Variants in NT5C2 observed in about 807,000 individuals in gnomAD.
The protein encoded by NT5C2 is 5'-nucleotidase, cytosolic II, also known as cytosolic purine 5'-nucleotidase.
In NT5C2, 58 loss-of-function variants were observed where a neutral mutation model predicts 76.1. The ratio of observed to expected loss-of-function variants is 0.76; its 90% CI spans 0.62 to 0.95. NT5C2 has a LOEUF of 0.95. NT5C2 is among the 40% of genes least tolerant of loss of function. The probability of loss-of-function intolerance (pLI) is 0.00; values close to 1 mark genes in which losing one functional copy is unlikely to be tolerated. For missense variants in NT5C2, 478 were observed against 690.3 expected, an observed-to-expected ratio of 0.69 and a Z score of 3.45; for synonymous variants, 229 against 237.4, an observed-to-expected ratio of 0.96 and a Z score of 0.32.
intron 3 of NT5C2, among the ~76,000 whole-genome samples, chr10:103,158,995 T>C (rs1338480454): frequency 6.6e-6 from 1 of 151,970 alleles, no homozygotes. Flanking sequence ...AACACACAAA[T>C]TACCAACATT....
rs1255036696 is a variant in NT5C2 at position 103,124,943 on chromosome 10, T to C, written c.175+14463A>G. The C allele has an allele frequency of 2.0e-5, 3 of 149,978 alleles. No homozygotes were observed. In the Admixed American group the frequency reaches 2.0e-4, roughly 10 times the overall value. The allele number at this position is 149,978 out of a possible 1,614,324, so 9.3% of individuals were successfully genotyped here. A position where few individuals can be genotyped will look rare whatever the true frequency, so the allele number is the denominator to read the frequency against. ...TTAATATAATTTAACAGAAAAAGGA[T>C]TATTCTCCCTTTTTTTAAAAAATAA... On this transcript the variant is annotated intron_variant, in intron 4 of 18. Coordinates refer to ENST00000404739, the MANE Select transcript of NT5C2 (RefSeq NM_001351169.2).
At chr10:103,108,833 C>A (rs990818020) in intron 4 of NT5C2, among the ~76,000 whole-genome samples, 1 of 151,940 alleles carries the variant, frequency 6.6e-6, no homozygotes, top group Non-Finnish European at 1.5e-5. Context: ...CCAATGCTAA[C>A]CCTGGCTAAC....
chr10:103,161,980 TAA>T (rs1209197670), intron 3 of NT5C2, among the ~76,000 whole-genome samples: 7 of 152,190 alleles, frequency 4.6e-5, no homozygotes, highest in African/African-American at 1.7e-4. Context: ...AGCCACTGAA[TAA>T]TATACTTCTA....
chr10:103,125,907 T>A (rs553403305), intron 4 of NT5C2, among the ~76,000 whole-genome samples: 3 of 152,208 alleles, frequency 2.0e-5, no homozygotes, highest in African/African-American at 7.2e-5. Context: ...GGAGAGTGCA[T>A]AGTTTGATTA....
chr10:103,175,915 G>A (rs540536516), intron 2 of NT5C2: 2 of 156,726 alleles, frequency 1.3e-5, no homozygotes, highest in South Asian at 1.7e-4. Flanking sequence ...GGAGCAAGGT[G>A]CCTGTAGCAA....
At chr10:103,163,954 G>C (rs1450214790) in intron 3 of NT5C2, among the ~76,000 whole-genome samples, 1 of 151,974 alleles carries the variant, frequency 6.6e-6, no homozygotes, top group Non-Finnish European at 1.5e-5. Context: ...GAACCTGGGA[G>C]GCAGCCAGGC....
intron 4 of NT5C2, among the ~76,000 whole-genome samples, chr10:103,130,418 G>C (rs1007990439): frequency 6.6e-6 from 1 of 150,672 alleles, no homozygotes; most frequent in Non-Finnish European, 1.5e-5. Flanking sequence ...CAAACACTGC[G>C]GAAGGCCGCA....
intron 12 of NT5C2, 98 bp downstream of exon 12, chr10:103,095,841 G>T: frequency 1.9e-6 from 2 of 1,039,470 alleles, no homozygotes; most frequent in Non-Finnish European, 2.9e-6. Context: ...GGACTTTTCT[G>T]GGTGGGTTCT....
At chr10:103,125,230 T>C in intron 4 of NT5C2, 1 of 777,042 alleles carries the variant, frequency 1.3e-6, no homozygotes. Flanking sequence ...TCACTACAAT[T>C]TTCCCAGCTC....
At chr10:103,175,095 C>A in intron 2 of NT5C2, 113 bp from the exon 3 acceptor site, 1 of 599,138 alleles carries the variant, frequency 1.7e-6, no homozygotes, top group Non-Finnish European at 3.0e-6. Context: ...ATATAATTAC[C>A]TATTAAAACA....
At position 103,090,769 on chromosome 10, in the gene NT5C2, C is replaced by T; in HGVS notation, c.1291G>A (p.Asp431Asn). 1 of 1,613,946 alleles carries T rather than the reference C, an allele frequency of 6.2e-7. No individual in the cohort carries two copies. The highest frequency in any genetic ancestry group is 8.5e-7 in the Non-Finnish European group (1 of 1,179,940). Residue 431 changes from aspartate (D) to asparagine (N), a missense_variant, in exon 18 of 19, where the codon GAC becomes AAC. By Grantham distance (23) the Asp-to-Asn change is conservative. Transcript: ENST00000404739. The part of the protein sequence containing the change: ...RRIKKVTHDM[D>N]MCYGMMGSLF... ...CTTCCCATCATCCCATAGCACATGT[C>T]CATGTCATGAGTTACTTTCTAAAAC...
At chr10:103,187,427 C>A (rs1564666927) in intron 1 of NT5C2, among the ~76,000 whole-genome samples, 1 of 149,852 alleles carries the variant, frequency 6.7e-6, no homozygotes, top group Non-Finnish European at 1.5e-5. Context: ...GTGGTGGGCG[C>A]CTGTAATCCC....
intron 3 of NT5C2, among the ~76,000 whole-genome samples, chr10:103,160,392 A>AT (rs1486028650): frequency 1.3e-5 from 2 of 152,212 alleles, no homozygotes; most frequent in East Asian, 3.8e-4. Flanking sequence ...ACATACATAA[A>AT]TTGGACTTCA....
chr10:103,190,910 T>C (rs916627535), intron 1 of NT5C2, among the ~76,000 whole-genome samples: 14 of 152,192 alleles, frequency 9.2e-5, no homozygotes, highest in African/African-American at 3.4e-4. Flanking sequence ...TCTAAATACA[T>C]GGACATCCCA....
At chr10:103,187,990 T>A (rs756358042) in intron 1 of NT5C2, among the ~76,000 whole-genome samples, 1 of 152,212 alleles carries the variant, frequency 6.6e-6, no homozygotes, top group African/African-American at 2.4e-5. Context: ...CTTATGAATT[T>A]ATAGAGCATA....
intron 4 of NT5C2, among the ~76,000 whole-genome samples, chr10:103,119,747 T>C (rs2075267981): frequency 6.6e-6 from 1 of 152,154 alleles, no homozygotes; most frequent in African/African-American, 2.4e-5. Context: ...AGTTTCATCG[T>C]TCTTTAAGAA....
In NT5C2 at chr10:103,090,126, G is replaced by A. The variant is rs2066340752; in HGVS notation, c.1450-218C>T. ...GGTGCCCATATTGTCTACTGCAGCT[G>A]GAAATTGGAAAAGATGGAGAGGGGA... On this transcript the variant is annotated intron_variant, in intron 18 of 18. Transcript: ENST00000404739. 4.6e-6 allele frequency: 2 copies of A among 438,822 alleles called. No individual in the cohort carries two copies. The highest frequency in any genetic ancestry group is 1.4e-4 in the South Asian group (2 of 14,758). 27.2% of individuals were successfully genotyped at this position (438,822 alleles called of 1,614,324 possible).
chr10:103,101,671 A>G (rs2069708316), intron 6 of NT5C2, among the ~76,000 whole-genome samples: 1 of 152,068 alleles, frequency 6.6e-6, no homozygotes, highest in African/African-American at 2.4e-5. Flanking sequence ...AAGAGTTGTC[A>G]GTGTGGTGGG....
intron 3 of NT5C2, among the ~76,000 whole-genome samples, chr10:103,163,472 G>T (rs1448299842): frequency 6.6e-6 from 1 of 152,086 alleles, no homozygotes; most frequent in Non-Finnish European, 1.5e-5. Context: ...TTTAGCTATT[G>T]TAACAGGCAT....
Sources: gnomAD v4.1 joint callset for allele counts (sites outside exome capture counted in the v4.1 genomes callset) on GRCh38, gnomAD v4.1.1 for gene constraint, MANE v1.5 for transcripts, NCBI Gene and HGNC (gene_info 2026-07-23, HGNC 2026-07-21) for gene names.